Variants in CAMTA1 observed in about 807,000 individuals in gnomAD.
CAMTA1 encodes calmodulin binding transcription activator 1.
In CAMTA1, 27 loss-of-function variants were observed where a neutral mutation model predicts 170.9. The ratio of observed to expected loss-of-function variants is 0.16; its 90% CI spans 0.12 to 0.22. CAMTA1 has a LOEUF of 0.22. Ranked by LOEUF, CAMTA1 falls within the 10% of genes least tolerant of loss-of-function variation. The pLI, the probability that CAMTA1 is intolerant of heterozygous loss-of-function variation, is 1.00. For synonymous variants in CAMTA1, 833 were observed against 891.5 expected (o/e 0.93, Z 1.17); for missense variants, 1,619 against 2,217.2 (o/e 0.73, Z 5.42).
chr1:7,466,051 AAAG>A (rs2093203494), intron 5 of CAMTA1, among the ~76,000 whole-genome samples: 1 of 152,240 alleles, frequency 6.6e-6, no homozygotes, highest in Non-Finnish European at 1.5e-5. Context: ...CACATGAGTC[AAAG>A]TAATGAACCT....
At chr1:7,637,867 G>A (rs2095726255) in intron 6 of CAMTA1, among the ~76,000 whole-genome samples, 2 of 152,218 alleles carry the variant, frequency 1.3e-5, no homozygotes, top group South Asian at 4.1e-4. Context: ...GCTTTGAAAA[G>A]AATAAAGTGC....
chr1:7,447,160 G>A (rs1166129174), intron 5 of CAMTA1, among the ~76,000 whole-genome samples: 2 of 152,056 alleles, frequency 1.3e-5, no homozygotes, highest in Non-Finnish European at 2.9e-5. Flanking sequence ...TGCCCCCAGG[G>A]AGCCATACTG....
rs575489964 is a variant in CAMTA1, at chr1:7,082,406, C to G, written c.235-8898C>G. Among the ~76,000 whole-genome samples, 3 of 152,124 alleles carry G rather than the reference C, an allele frequency of 2.0e-5. No homozygotes were observed. The East Asian group carries it at 5.8e-4, about 29-fold the overall frequency. ...TGAGCCAAGATCATGCCGCTGCCTT[C>G]CAGCCCAGGTGACGGAGCAAGACTG... On this transcript the variant is annotated intron_variant, in intron 3 of 22. Transcript: ENST00000303635.
intron 4 of CAMTA1, among the ~76,000 whole-genome samples, chr1:7,232,515 T>C (rs1038857367): frequency 6.6e-6 from 1 of 152,204 alleles, no homozygotes; most frequent in Non-Finnish European, 1.5e-5. Flanking sequence ...CAGCCATATA[T>C]GTTTTATTAG....
intron 3 of CAMTA1, among the ~76,000 whole-genome samples, chr1:6,893,874 C>A (rs1275919065): frequency 2.0e-5 from 3 of 152,202 alleles, no homozygotes; most frequent in Non-Finnish European, 4.4e-5. Flanking sequence ...CCAAAAATAT[C>A]AAGCCCACTC....
intron 6 of CAMTA1, among the ~76,000 whole-genome samples, chr1:7,593,615 G>A (rs1006486445): frequency 6.6e-6 from 1 of 150,782 alleles, no homozygotes; most frequent in South Asian, 2.1e-4. Flanking sequence ...TCAGCCTCCT[G>A]AGTAGCTGGG....
chr1:6,884,890 A>C (rs1672756639), intron 3 of CAMTA1, among the ~76,000 whole-genome samples: 1 of 152,202 alleles, frequency 6.6e-6, no homozygotes, highest in South Asian at 2.1e-4. Flanking sequence ...TATCTTTTAC[A>C]CAAAGTATTC....
Position 7,673,568 on chromosome 1 carries a change from C to A in CAMTA1, c.2779+2531C>A, listed in dbSNP as rs1250382497. ...TGGCAGGTAGAGTCTCTGCCCAGGCCACTCACCCTCCTAGCTGTTCAGGCT... is the reference window on the plus strand; with the variant it reads ...TGGCAGGTAGAGTCTCTGCCCAGGCAACTCACCCTCCTAGCTGTTCAGGCT... On this transcript the variant is annotated intron_variant, in intron 10 of 22. Coordinates refer to ENST00000303635, the MANE Select transcript of CAMTA1 (RefSeq NM_015215.4). The surrounding 1 kb of genome is among the most constrained non-coding windows in gnomAD (Gnocchi z 4.6). Among the ~76,000 whole-genome samples the A allele has an allele frequency of 6.6e-6, 1 of 152,140 alleles. No homozygotes were observed. Among genetic ancestry groups the A allele is most frequent in the Non-Finnish European group, 1.5e-5 (1 of 68,034 alleles).
chr1:7,647,011 T>C (rs1282464692), intron 7 of CAMTA1, among the ~76,000 whole-genome samples: 2 of 152,144 alleles, frequency 1.3e-5, no homozygotes, highest in African/African-American at 4.8e-5. Flanking sequence ...GGGCCTCGGA[T>C]GGGGTGGCTG....
At chr1:6,806,967 T>C in intron 1 of CAMTA1, 1 of 542,846 alleles carries the variant, frequency 1.8e-6, no homozygotes, top group South Asian at 2.4e-5. Flanking sequence ...AATAACAAAG[T>C]GCCTATCTGT....
intron 4 of CAMTA1, among the ~76,000 whole-genome samples, chr1:7,105,920 A>G (rs924826366): frequency 6.7e-6 from 1 of 150,316 alleles, no homozygotes; most frequent in Admixed American, 6.7e-5. Flanking sequence ...AGCCTGGGTG[A>G]CAGAGTGAGA....
At chr1:7,106,175 C>T (rs1643562579) in intron 4 of CAMTA1, among the ~76,000 whole-genome samples, 1 of 151,934 alleles carries the variant, frequency 6.6e-6, no homozygotes, top group East Asian at 1.9e-4. Context: ...CTTGCAAAAC[C>T]CTTCAGATCT....
chr1:7,766,097 G>A (rs977776452), intron 22 of CAMTA1, among the ~76,000 whole-genome samples: 1 of 151,780 alleles, frequency 6.6e-6, no homozygotes, highest in African/African-American at 2.4e-5. Flanking sequence ...AGAGTGATAG[G>A]ACATTAATGG....
chr1:7,704,621 C>G (rs1370637662), intron 11 of CAMTA1, among the ~76,000 whole-genome samples: 1 of 148,980 alleles, frequency 6.7e-6, no homozygotes, highest in Non-Finnish European at 1.5e-5. Context: ...GGTGACGTCG[C>G]ATCCTCCGAT....
At chr1:6,901,032 C>T (rs1007049106) in intron 3 of CAMTA1, among the ~76,000 whole-genome samples, 6 of 152,098 alleles carry the variant, frequency 3.9e-5, no homozygotes, top group African/African-American at 1.4e-4. Context: ...TGTGGTATTG[C>T]AAAAAGATGG....
intron 6 of CAMTA1, among the ~76,000 whole-genome samples, chr1:7,575,730 G>A (rs1325522874): frequency 1.1e-4 from 17 of 151,882 alleles, no homozygotes; most frequent in Admixed American, 1.1e-3. Flanking sequence ...CCAGGTGTAG[G>A]CAGGGAAAGA....
rs938883564 is a variant in CAMTA1 at position 7,561,986 on chromosome 1, G to C, written c.511-78414G>C. Among the ~76,000 whole-genome samples, 1 of 152,164 alleles carries C rather than the reference G, an allele frequency of 6.6e-6. No homozygotes were observed. The highest frequency in any genetic ancestry group is 1.5e-5 in the Non-Finnish European group (1 of 68,038). On this transcript the variant is annotated intron_variant, in intron 6 of 22. Transcript: ENST00000303635. This position sits in a 1 kb window ranked among gnomAD's most constrained non-coding sequence, Gnocchi z 5.3. ...GTTCCAGGTCAGAAGAGCAAACGCA[G>C]TCTCCAGAGAGATCATGAGGCTTTC...
intron 1 of CAMTA1, among the ~76,000 whole-genome samples, chr1:6,800,449 A>G (rs945610424): frequency 6.6e-6 from 1 of 152,156 alleles, no homozygotes; most frequent in Non-Finnish European, 1.5e-5. Flanking sequence ...ATTAAAAAAG[A>G]TGTACAACAC....
chr1:7,229,942 G>T (rs1168185970), intron 4 of CAMTA1, among the ~76,000 whole-genome samples: 1 of 152,084 alleles, frequency 6.6e-6, no homozygotes, highest in African/African-American at 2.4e-5. Flanking sequence ...GTTTCTTCTT[G>T]GGGTTTTGAG....
Sources: allele counts gnomAD v4.1 joint callset (sites outside exome capture counted in the v4.1 genomes callset), GRCh38; gene constraint gnomAD v4.1.1; non-coding constraint Gnocchi (gnomAD v3.1); transcripts MANE v1.5; gene names NCBI Gene and HGNC (gene_info 2026-07-23, HGNC 2026-07-21).